The following PKD2L2 variants were observed in gnomAD, a reference collection of about 807,000 sequenced individuals.
PKD2L2 encodes polycystin 2 like 2, transient receptor potential cation channel, also known as polycystin-2-like protein 2.
Under a neutral mutation model 83.9 loss-of-function variants are expected in PKD2L2, and 67 were observed. The ratio of observed to expected loss-of-function variants is 0.80; its 90% CI spans 0.66 to 0.98. The LOEUF is 0.98. Ranked by LOEUF, PKD2L2 falls within the 50% of genes least tolerant of loss-of-function variation. The pLI, the probability that PKD2L2 is intolerant of heterozygous loss-of-function variation, is 0.00. For synonymous variants in PKD2L2, 223 were observed against 237.8 expected, an observed-to-expected ratio of 0.94 and a Z score of 0.57; for missense variants, 632 against 717.2, an observed-to-expected ratio of 0.88 and a Z score of 1.36.
intron 12 of PKD2L2, among the ~76,000 whole-genome samples, chr5:137,931,659 T>G (rs1396418879): frequency 6.6e-6 from 1 of 152,212 alleles, no homozygotes; most frequent in African/African-American, 2.4e-5. Context: ...ATCAATGATA[T>G]TTCCTTGATA....
At chr5:137,912,809 T>TC (rs1561690065) in intron 8 of PKD2L2, among the ~76,000 whole-genome samples, 3 of 145,140 alleles carry the variant, frequency 2.1e-5, no homozygotes, top group African/African-American at 7.5e-5. Context: ...TTCTTTCTTT[T>TC]TTTTTTTTTT....
At chr5:137,927,536 T>A (rs1759475743) in intron 12 of PKD2L2, among the ~76,000 whole-genome samples, 1 of 152,000 alleles carries the variant, frequency 6.6e-6, no homozygotes, top group African/African-American at 2.4e-5. Context: ...CTGATAAACT[T>A]GAAAGAGAAA....
At position 137,894,438 on chromosome 5, in the gene PKD2L2, G is replaced by A. The variant is rs772979367; in HGVS notation, c.353G>A (p.Arg118His). 2.0e-5 allele frequency: 32 copies of A among 1,612,978 alleles called. No homozygotes were observed. Among genetic ancestry groups the A allele is most frequent in the Non-Finnish European group, 2.2e-5 (26 of 1,179,446 alleles). The change falls in exon 4 of 15, where the codon CGC becomes CAC. Residue 118 changes from arginine (R) to histidine (H), a missense_variant. Around this residue, in one of 3 missense-constraint regions of PKD2L2, gnomAD observed 229 missense variants for 281.5 expected, o/e 0.81. Transcript: ENST00000508883. ...CTGTATAATTTAAAGAACAGCAGTC[G>A]CATCTACTATGAAAATATACTTCTA... The part of the protein sequence containing the change: ...QQLYNLKNSS[R>H]IYYENILLGV...
intron 12 of PKD2L2, among the ~76,000 whole-genome samples, chr5:137,930,355 T>C (rs1580991798): frequency 6.6e-6 from 1 of 151,710 alleles, no homozygotes; most frequent in Non-Finnish European, 1.5e-5. Context: ...ATATCAAAAC[T>C]CTCTATTAAA....
intron 14 of PKD2L2, 33 bp downstream of exon 14, chr5:137,936,460 CTTT>C (rs375553066): frequency 1.0e-4 from 127 of 1,262,782 alleles, no homozygotes; most frequent in East Asian, 1.5e-4. Context: ...TTGAGCATTT[CTTT>C]TTTTTTTTTT....
At chr5:137,899,407 G>A (rs1451172361) in intron 4 of PKD2L2, 109 bp from the exon 5 acceptor site, 4 of 728,304 alleles carry the variant, frequency 5.5e-6, no homozygotes, top group Non-Finnish European at 9.3e-6. Flanking sequence ...ATGAGCCAGC[G>A]CACTTGGCCA....
At position 137,934,564 on chromosome 5, in the gene PKD2L2, G is replaced by A. The variant is rs746181629; in HGVS notation, c.1672-1233G>A. Reference sequence around the variant, plus strand: ...TGGCTCGCACCTGTAATCCCAGCACGTTGGAAGGCCGACGCAGGCGGATTA... The same window carrying A: ...TGGCTCGCACCTGTAATCCCAGCACATTGGAAGGCCGACGCAGGCGGATTA... On this transcript the variant is annotated intron_variant, in intron 12 of 14. Transcript: ENST00000508883. 3.3e-5 allele frequency among the ~76,000 whole-genome samples: 5 copies of A among 152,182 alleles called. No individual in the cohort carries two copies. The South Asian group carries it at 6.2e-4, about 19-fold the overall frequency.
In PKD2L2 at chr5:137,936,323, T is replaced by G. The variant is rs1760388010; in HGVS notation, c.1788T>G (p.Leu596=). The G allele has an allele frequency of 6.5e-7, 1 of 1,530,666 alleles. No homozygotes were observed. Among genetic ancestry groups the G allele is most frequent in the African/African-American group, 1.4e-5 (1 of 72,966 alleles). The allele number at this position is 1,530,666 out of a possible 1,614,324, so 94.8% of individuals were successfully genotyped here. The part of the protein sequence containing the change: ...QPVTQEEFRE[L]FLYAVELEKE... ...TACTTCCTTCGAAATTTTCTAGACTTTTTTTATATGCTGTGGAGCTGGAGA... is the reference window on the plus strand; with the variant it reads ...TACTTCCTTCGAAATTTTCTAGACTGTTTTTATATGCTGTGGAGCTGGAGA... The change falls in exon 14 of 15, where the codon CTT becomes CTG. Residue 596 remains leucine, a synonymous_variant. Coordinates refer to ENST00000508883, the MANE Select transcript of PKD2L2 (RefSeq NM_001300921.2).
chr5:137,929,543 A>AAC (rs1463898295), intron 12 of PKD2L2, among the ~76,000 whole-genome samples: 1 of 146,908 alleles, frequency 6.8e-6, no homozygotes, highest in Non-Finnish European at 1.5e-5. Context: ...CCAAAAAAAA[A>AAC]AAAAAAAAAA....
intron 2 of PKD2L2, among the ~76,000 whole-genome samples, chr5:137,892,243 A>T (rs1225004464): frequency 6.6e-6 from 1 of 152,232 alleles, no homozygotes; most frequent in Non-Finnish European, 1.5e-5. Context: ...TAAAGATAAA[A>T]TTATTTTCTT....
At chr5:137,907,446 T>G (rs1422995358) in intron 6 of PKD2L2, among the ~76,000 whole-genome samples, 1 of 152,216 alleles carries the variant, frequency 6.6e-6, no homozygotes, top group Non-Finnish European at 1.5e-5. Context: ...AAAATCCTTA[T>G]GGCCTCAGAG....
At chr5:137,936,131 A>G (rs1443843695) in intron 13 of PKD2L2, among the ~76,000 whole-genome samples, 189 bp from the exon 14 acceptor site, 1 of 152,202 alleles carries the variant, frequency 6.6e-6, no homozygotes, top group East Asian at 1.9e-4. Flanking sequence ...ACTGCCATCT[A>G]TATTTGATTT....
At chr5:137,920,756 T>TAAA (rs11455899) in intron 8 of PKD2L2, among the ~76,000 whole-genome samples, 46 of 143,768 alleles carry the variant, frequency 3.2e-4, no homozygotes, top group Non-Finnish European at 4.5e-5. Flanking sequence ...AAACTCCATC[T>TAAA]AAAAAAAAAA....
At chr5:137,940,167 G>A (rs1035120958) in intron 14 of PKD2L2, 4 of 1,612,996 alleles carry the variant, frequency 2.5e-6, no homozygotes, top group African/African-American at 2.7e-5. Context: ...AAGTACACAC[G>A]ATGATAGCTT....
In PKD2L2 at chr5:137,942,594, C is replaced by T. The variant is rs949195173; in HGVS notation, c.*228C>T. 3 of 353,162 alleles carry T rather than the reference C, an allele frequency of 8.5e-6. No homozygotes were observed. The highest frequency in any genetic ancestry group is 4.6e-5 in the Admixed American group (1 of 21,944). 21.9% of individuals were successfully genotyped at this position (353,162 alleles called of 1,614,324 possible). On this transcript the variant is annotated 3_prime_UTR_variant, in exon 15 of 15. Transcript: ENST00000508883. The stretch of plus-strand genomic sequence containing the variant: ...CCCAGGCTGGTCTTGAACTCCTGGC[C>T]TCAAGGGATCCTCCTGCCTCAGCTT...
At chr5:137,937,910 T>A (rs973160052) in intron 14 of PKD2L2, 1 of 145,334 alleles carries the variant, frequency 6.9e-6, no homozygotes, top group Non-Finnish European at 1.5e-5. Context: ...CTTGAGGTCT[T>A]TTTTTTTTTT....
At chr5:137,890,176 G>T (rs776474515) in intron 1 of PKD2L2, 4 of 207,368 alleles carry the variant, frequency 1.9e-5, no homozygotes, top group African/African-American at 4.7e-5. Context: ...CCAGCTACTC[G>T]GGAGGCTGAG....
intron 8 of PKD2L2, among the ~76,000 whole-genome samples, chr5:137,920,481 G>A (rs750770545): frequency 3.3e-5 from 5 of 151,790 alleles, no homozygotes; most frequent in African/African-American, 4.8e-5. Context: ...AAATAGGGCC[G>A]GGCACAGTGG....
intron 11 of PKD2L2, 129 bp downstream of exon 11, chr5:137,925,233 G>C (rs1220917594): frequency 1.6e-6 from 1 of 629,088 alleles, no homozygotes; most frequent in Non-Finnish European, 2.8e-6. Flanking sequence ...TCACCATGTT[G>C]GTCAGACTGG....
Sources: allele counts gnomAD v4.1 joint callset (sites outside exome capture counted in the v4.1 genomes callset), GRCh38; gene constraint gnomAD v4.1.1; regional missense constraint gnomAD v4.1.1; transcripts MANE v1.5; gene names NCBI Gene and HGNC (gene_info 2026-07-23, HGNC 2026-07-21).